The following RALGAPA2 variants were observed in gnomAD, a reference collection of about 807,000 sequenced individuals.
RALGAPA2 encodes the protein ral GTPase-activating protein subunit alpha-2.
A neutral mutation model predicts 230.4 loss-of-function variants in RALGAPA2; 139 were observed. The observed-to-expected ratio is 0.60, with a 90% CI of 0.53 to 0.69. The LOEUF is 0.69. RALGAPA2 is among the 30% of genes least tolerant of loss of function. RALGAPA2 has a pLI of 0.00. For synonymous variants in RALGAPA2, 847 were observed against 837.8 expected (o/e 1.01, Z -0.19); for missense variants, 2,163 against 2,276.0 (o/e 0.95, Z 1.01).
At chr20:20,494,957 T>G (rs1410425751) in intron 36 of RALGAPA2, among the ~76,000 whole-genome samples, 160 bp downstream of exon 36, 2 of 152,222 alleles carry the variant, frequency 1.3e-5, no homozygotes, top group Admixed American at 1.3e-4. Context: ...TCCCAATTCA[T>G]ATTTAATTCC....
intron 37 of RALGAPA2, among the ~76,000 whole-genome samples, chr20:20,417,072 T>G (rs1205749027): frequency 6.6e-6 from 1 of 152,194 alleles, no homozygotes; most frequent in African/African-American, 2.4e-5. Context: ...GAGGAGGGAA[T>G]GTCATGTTTC....
chr20:20,415,819 T>G (rs1346665560), intron 37 of RALGAPA2, among the ~76,000 whole-genome samples: 1 of 152,246 alleles, frequency 6.6e-6, no homozygotes, highest in Non-Finnish European at 1.5e-5. Context: ...CCAAGAGAAC[T>G]TCTCGAGACT....
intron 10 of RALGAPA2, among the ~76,000 whole-genome samples, chr20:20,624,010 C>G (rs1466478424): frequency 6.6e-6 from 1 of 152,122 alleles, no homozygotes; most frequent in Non-Finnish European, 1.5e-5. Context: ...TCATTATACC[C>G]AGCTAAGCTG....
At chr20:20,422,174 T>C (rs2060291007) in intron 37 of RALGAPA2, among the ~76,000 whole-genome samples, 1 of 151,956 alleles carries the variant, frequency 6.6e-6, no homozygotes, top group African/African-American at 2.4e-5. Context: ...CAGTTTCTTT[T>C]TGGGGTGATA....
Position 20,605,325 on chromosome 20 carries a change from G to C in RALGAPA2, c.1888C>G (p.Leu630Val), listed in dbSNP as rs763999079. ...WDDFLGVLSS[L>V]TEWEELINEW... ...TTTATAAGTTCCTCCCATTCCGTGA[G>C]GGAGGACAGCACACCAAGAAAGTCA... The change falls in exon 15 of 40, where the codon CTC becomes GTC. Residue 630 changes from leucine (L) to valine (V), a missense_variant. Coordinates refer to ENST00000202677, the MANE Select transcript of RALGAPA2 (RefSeq NM_020343.4). 2.5e-6 allele frequency: 4 copies of C among 1,613,702 alleles called. No individual in the cohort carries two copies. The highest frequency in any genetic ancestry group is 2.2e-5 in the East Asian group (1 of 44,864).
intron 21 of RALGAPA2, among the ~76,000 whole-genome samples, chr20:20,572,383 C>T (rs968393939): frequency 3.3e-5 from 5 of 149,312 alleles, no homozygotes; most frequent in Admixed American, 2.7e-4. Flanking sequence ...CAGAGGGTTG[C>T]AGTGAGCCAA....
chr20:20,712,356 C>T lies in RALGAPA2; in HGVS notation c.106+19G>A, dbSNP rs1465187944. On this transcript the variant is annotated intron_variant, in intron 1 of 39. Transcript: ENST00000202677. This position sits in a 1 kb window ranked among gnomAD's most constrained non-coding sequence, Gnocchi z 5.5. Reference sequence around the variant, plus strand: ...CCCTAACCCGGCGCCCCGACCCCCGCGCCCGGCGCGCGCCTCACCCAGCAG... The same window carrying T: ...CCCTAACCCGGCGCCCCGACCCCCGTGCCCGGCGCGCGCCTCACCCAGCAG... 1 of 1,545,100 alleles carries T rather than the reference C, an allele frequency of 6.5e-7. No individual in the cohort carries two copies. Among genetic ancestry groups the T allele is most frequent in the Admixed American group, 2.0e-5 (1 of 50,684 alleles).
At chr20:20,559,513 C>A (rs1164277801) in intron 23 of RALGAPA2, among the ~76,000 whole-genome samples, 1 of 152,204 alleles carries the variant, frequency 6.6e-6, no homozygotes, top group African/African-American at 2.4e-5. Context: ...AAAAGCCCAC[C>A]ACATACAAAT....
Position 20,691,413 on chromosome 20 carries a change from A to G in RALGAPA2, c.107-10612T>C, listed in dbSNP as rs140295763. On this transcript the variant is annotated intron_variant, in intron 1 of 39. Transcript: ENST00000202677. ...TCTCAGTTTCAACCTGATTCAATTG[A>G]AAGTATTTATCAGAGCACAGGCCAT... 3.7e-3 allele frequency among the ~76,000 whole-genome samples: 568 copies of G among 152,326 alleles called. 4 individuals carry two copies. The highest frequency in any genetic ancestry group is 0.013 in the African/African-American group (530 of 41,572).
intron 33 of RALGAPA2, among the ~76,000 whole-genome samples, chr20:20,506,962 GAGA>G (rs2123716849): frequency 6.6e-6 from 1 of 152,324 alleles, no homozygotes; most frequent in Non-Finnish European, 1.5e-5. Flanking sequence ...AGAAAGAAAA[GAGA>G]AGAATAAAAA....
intron 31 of RALGAPA2, among the ~76,000 whole-genome samples, chr20:20,513,882 G>A (rs1269704507): frequency 6.6e-6 from 1 of 152,222 alleles, no homozygotes; most frequent in Non-Finnish European, 1.5e-5. Flanking sequence ...GGCTTGGGGT[G>A]GGAGGAGAGA....
intron 3 of RALGAPA2, among the ~76,000 whole-genome samples, chr20:20,655,415 A>G (rs887476487): frequency 1.3e-5 from 2 of 152,146 alleles, no homozygotes; most frequent in African/African-American, 4.8e-5. Flanking sequence ...CAGGGGCTTC[A>G]TGGAATGCTT....
At chr20:20,565,531 T>C (rs2064387812) in intron 23 of RALGAPA2, among the ~76,000 whole-genome samples, 1 of 152,178 alleles carries the variant, frequency 6.6e-6, no homozygotes, top group African/African-American at 2.4e-5. Flanking sequence ...TATTATATTA[T>C]TCCATCATAT....
chr20:20,634,673 G>T (rs1488675079), intron 9 of RALGAPA2, among the ~76,000 whole-genome samples: 1 of 152,154 alleles, frequency 6.6e-6, no homozygotes, highest in Non-Finnish European at 1.5e-5. Flanking sequence ...GCAGTCAGTG[G>T]ACCAGACTTC....
chr20:20,441,488 G>A (rs2060738762), intron 37 of RALGAPA2, among the ~76,000 whole-genome samples: 1 of 152,190 alleles, frequency 6.6e-6, no homozygotes. Context: ...TGACAGCAGA[G>A]GCAGGTCAAG....
intron 1 of RALGAPA2, among the ~76,000 whole-genome samples, chr20:20,681,440 T>C (rs1188324513): frequency 6.6e-6 from 1 of 152,130 alleles, no homozygotes; most frequent in Non-Finnish European, 1.5e-5. Context: ...AGACTGCGGA[T>C]AGATAGGCGG....
intron 16 of RALGAPA2, among the ~76,000 whole-genome samples, chr20:20,600,970 C>G (rs982698058): frequency 6.6e-6 from 1 of 152,026 alleles, no homozygotes; most frequent in Non-Finnish European, 1.5e-5. Context: ...CGTCGTGGCA[C>G]GCGCCTGTAA....
chr20:20,477,397 C>T (rs893204015), intron 36 of RALGAPA2, among the ~76,000 whole-genome samples: 5 of 152,150 alleles, frequency 3.3e-5, no homozygotes, highest in African/African-American at 1.2e-4. Context: ...CAAGGATCCA[C>T]AAATACAGCC....
chr20:20,642,854 G>A (rs756016512), intron 5 of RALGAPA2, among the ~76,000 whole-genome samples: 4 of 152,034 alleles, frequency 2.6e-5, no homozygotes, highest in East Asian at 1.9e-4. Flanking sequence ...AAAGGCATTC[G>A]CACAACTTAA....
Sources: gnomAD v4.1 joint callset for allele counts (sites outside exome capture counted in the v4.1 genomes callset) on GRCh38, gnomAD v4.1.1 for gene constraint, Gnocchi (gnomAD v3.1) non-coding constraint, MANE v1.5 for transcripts, NCBI Gene and HGNC (gene_info 2026-07-23, HGNC 2026-07-21) for gene names.